The following IER5L variants were observed in gnomAD, a reference collection of about 807,000 sequenced individuals.
IER5L encodes immediate early response 5 like.
In IER5L, 6 loss-of-function variants were observed where a neutral mutation model predicts 28.3. That is an observed-to-expected ratio of 0.21 (90% confidence interval 0.12 to 0.42). IER5L has a LOEUF of 0.42. Among genes scored for constraint, IER5L ranks in the 10% least tolerant of loss-of-function variants. The pLI is 1.00. For missense variants in IER5L, 607 were observed against 575.2 expected, an observed-to-expected ratio of 1.06 and a Z score of -0.56; for synonymous variants, 351 against 282.5, an observed-to-expected ratio of 1.24 and a Z score of -2.43.
Position 129,175,782 on chromosome 9 carries a change from C to T in IER5L, c.*1056G>A, listed in dbSNP as rs556621839. ...CAAAAGGCTTTTAAATTAAACAAAT[C>T]TATCGAGCTGAAGACACAGGACGGG... On this transcript the variant is annotated 3_prime_UTR_variant, in exon 1 of 1. Transcript: ENST00000372491. The surrounding 1 kb of genome is among the most constrained non-coding windows in gnomAD (Gnocchi z 5.2). 6.6e-6 allele frequency: 1 copy of T among 152,080 alleles called. No individual in the cohort carries two copies. Among genetic ancestry groups the T allele is most frequent in the Non-Finnish European group, 1.5e-5 (1 of 68,038 alleles). The allele number at this position is 152,080 out of a possible 1,614,324, so 9.4% of individuals were successfully genotyped here. A position where few individuals can be genotyped will look rare whatever the true frequency, so the allele number is the denominator to read the frequency against.
chr9:129,176,882 G>A lies in IER5L; in HGVS notation c.1171C>T (p.Leu391Phe). 17 of 1,599,930 alleles carry A rather than the reference G, an allele frequency of 1.1e-5. No individual in the cohort carries two copies. The highest frequency in any genetic ancestry group is 1.4e-5 in the Non-Finnish European group (17 of 1,174,598). The change falls in exon 1 of 1, where the codon CTC becomes TTC. Residue 391 changes from leucine to phenylalanine, a missense_variant. By Grantham distance (22) the Leu-to-Phe change is conservative. Coordinates refer to ENST00000372491, the MANE Select transcript of IER5L (RefSeq NM_203434.3). ...LNGQLCAKQA[L>F]ASLGAWTRAI... Reference sequence around the variant, plus strand: ...CGAGTCCAGGCGCCGAGGCTGGCGAGCGCCTGCTTGGCGCACAGCTGCCCG... The same window carrying A: ...CGAGTCCAGGCGCCGAGGCTGGCGAACGCCTGCTTGGCGCACAGCTGCCCG...
chr9:129,176,821 T>G lies in IER5L; in HGVS notation c.*17A>C, dbSNP rs1487596540. The G allele has an allele frequency of 2.1e-5, 33 of 1,551,818 alleles. No individual in the cohort carries two copies. The East Asian group carries it at 5.2e-4, about 24-fold the overall frequency. ...CCAGCCCCGCGGGGCCCCGGGTCCC[T>G]GTGCCCTCGGGGGTCCCTAGAAGGC... On this transcript the variant is annotated 3_prime_UTR_variant, in exon 1 of 1. Transcript: ENST00000372491.
chr9:129,177,005 C>G lies in IER5L; in HGVS notation c.1048G>C (p.Ala350Pro). ...GAGATCAAGTTTGAGATGTTGGACG[C>G]GTCCGGGGACGAGTCCGGGCAGAAG... ...EDFCPDSSPD[A>P]SNISNLISIF... The change falls in exon 1 of 1, where the codon GCG becomes CCG. Residue 350 changes from alanine to proline, a missense_variant. Transcript: ENST00000372491. 1 of 1,596,046 alleles carries G rather than the reference C, an allele frequency of 6.3e-7. No individual in the cohort carries two copies. Among genetic ancestry groups the G allele is most frequent in the Non-Finnish European group, 8.5e-7 (1 of 1,172,982 alleles).
At position 129,178,244 on chromosome 9, in the gene IER5L, G is replaced by T. The variant is rs1317977864; in HGVS notation, c.-192C>A. 4 of 452,158 alleles carry T rather than the reference G, an allele frequency of 8.8e-6. No homozygotes were observed. Among genetic ancestry groups the T allele is most frequent in the African/African-American group, 4.1e-5 (2 of 48,824 alleles). 28.0% of individuals were successfully genotyped at this position (452,158 alleles called of 1,614,324 possible). The stretch of plus-strand genomic sequence containing the variant: ...ACCCGCGGGCTCGCGCTCCCCAGAC[G>T]GCGCCAAAGCAATGAGTCTCGGCCG... On this transcript the variant is annotated 5_prime_UTR_variant, in exon 1 of 1. Coordinates refer to ENST00000372491, the MANE Select transcript of IER5L (RefSeq NM_203434.3).
At position 129,177,800 on chromosome 9, in the gene IER5L, T is replaced by A. The variant is rs1214266805; in HGVS notation, c.253A>T (p.Ser85Cys). Residue 85 changes from serine to cysteine, a missense_variant, in exon 1 of 1, where the codon AGC (serine) becomes TGC (cysteine). Physicochemically the swap from Ser to Cys is moderately radical, Grantham distance 112. Transcript: ENST00000372491. ...TGGAGCGGGCCGAAGTCGGCCGCGC[T>A]GGCCGGCATGCCCGGCGCCGCGTAC... ...LAYAAPGMPA[S>C]AADFGPLQLG... The A allele has an allele frequency of 1.3e-6, 2 of 1,502,068 alleles. No homozygotes were observed. The highest frequency in any genetic ancestry group is 1.8e-6 in the Non-Finnish European group (2 of 1,130,116). 93.0% of individuals were successfully genotyped at this position (1,502,068 alleles called of 1,614,324 possible).
rs758909167 is a variant in IER5L, at chr9:129,176,829, C to T, written c.*9G>A. On this transcript the variant is annotated 3_prime_UTR_variant, in exon 1 of 1. Coordinates refer to ENST00000372491, the MANE Select transcript of IER5L (RefSeq NM_203434.3). ...GCGGGGCCCCGGGTCCCTGTGCCCT[C>T]GGGGGTCCCTAGAAGGCGACAATGG... 15 of 1,574,390 alleles carry T rather than the reference C, an allele frequency of 9.5e-6. No homozygotes were observed. In the South Asian group the frequency reaches 1.4e-4, roughly 14 times the overall value.
chr9:129,176,631 TTC>T lies in IER5L; in HGVS notation c.*205_*206del, dbSNP rs1435339868. 1 of 644,258 alleles carries T rather than the reference TTC, an allele frequency of 1.6e-6. No individual in the cohort carries two copies. 39.9% of individuals were successfully genotyped at this position (644,258 alleles called of 1,614,324 possible). A position where few individuals can be genotyped will look rare whatever the true frequency, so the allele number is the denominator to read the frequency against. Reference sequence around the variant, plus strand: ...CAAAGCATACTTAAATAGGCGCTTTTTCTCTCTGCAAAAATAAAGTCCAAGAT... The same window carrying T: ...CAAAGCATACTTAAATAGGCGCTTTTTCTCTGCAAAAATAAAGTCCAAGAT... On this transcript the variant is annotated 3_prime_UTR_variant, in exon 1 of 1. Coordinates refer to ENST00000372491, the MANE Select transcript of IER5L (RefSeq NM_203434.3).
At position 129,176,932 on chromosome 9, in the gene IER5L, G is replaced by A; in HGVS notation, c.1121C>T (p.Ser374Phe). 1.2e-6 allele frequency: 2 copies of A among 1,604,934 alleles called. No homozygotes were observed. Among genetic ancestry groups the A allele is most frequent in the East Asian group, 2.3e-5 (1 of 44,092 alleles). The change falls in exon 1 of 1, where the codon TCC becomes TTC. Residue 374 changes from serine to phenylalanine, a missense_variant. Transcript: ENST00000372491. ...GTTGAGCGGCGGCGGCTGCTCCGAG[G>A]AGTCCGGCTGTCGGCTCACCAGCCC... ...FSGLVSRQPD[S>F]SEQPPPLNGQ...
chr9:129,177,883 C>G lies in IER5L; in HGVS notation c.170G>C (p.Arg57Pro). 1.9e-6 allele frequency: 3 copies of G among 1,547,070 alleles called. No individual in the cohort carries two copies. The highest frequency in any genetic ancestry group is 2.6e-6 in the Non-Finnish European group (3 of 1,146,690). Residue 57 changes from arginine (R) to proline (P), a missense_variant, in exon 1 of 1, where the codon CGG (arginine) becomes CCG (proline). Coordinates refer to ENST00000372491, the MANE Select transcript of IER5L (RefSeq NM_203434.3). ...CTGCTGTTGCTGCTGCTGCTGGCGC[C>G]GGTAGAGCTCGGCGTAGCGCTCGCT... ...YLSERYAELY[R>P]RQQQQQQQQP...
At position 129,176,702 on chromosome 9, in the gene IER5L, G is replaced by C. The variant is rs1829408386; in HGVS notation, c.*136C>G. 6.4e-6 allele frequency: 7 copies of C among 1,090,130 alleles called. No individual in the cohort carries two copies. The highest frequency in any genetic ancestry group is 7.2e-6 in the Non-Finnish European group (6 of 827,902). The allele number at this position is 1,090,130 out of a possible 1,614,324, so 67.5% of individuals were successfully genotyped here. ...TTATTTTACAATTTATAAAACATCAGCCGCCTGCCCCCGCTCGCCCCCAGC... is the reference window on the plus strand; with the variant it reads ...TTATTTTACAATTTATAAAACATCACCCGCCTGCCCCCGCTCGCCCCCAGC... On this transcript the variant is annotated 3_prime_UTR_variant, in exon 1 of 1. Coordinates refer to ENST00000372491, the MANE Select transcript of IER5L (RefSeq NM_203434.3).
chr9:129,177,076 G>A lies in IER5L; in HGVS notation c.977C>T (p.Pro326Leu). 6.7e-7 allele frequency: 1 copy of A among 1,483,932 alleles called. No homozygotes were observed. Among genetic ancestry groups the A allele is most frequent in the Non-Finnish European group, 8.9e-7 (1 of 1,118,122 alleles). The allele number at this position is 1,483,932 out of a possible 1,614,324, so 91.9% of individuals were successfully genotyped here. A position where few individuals can be genotyped will look rare whatever the true frequency, so the allele number is the denominator to read the frequency against. Residue 326 changes from proline (P) to leucine (L), a missense_variant, in exon 1 of 1, where the codon CCC (proline) becomes CTC (leucine). Physicochemically the swap from Pro to Leu is moderately conservative, Grantham distance 98. Coordinates refer to ENST00000372491, the MANE Select transcript of IER5L (RefSeq NM_203434.3). ...GCAGGGGGCGAACGGGGCGCCCCCG[G>A]GGGGCTCGGCCCCCAGCCCGCCCGC... ...EDAGGLGAEP[P>L]GGAPFAPCKR...
Position 129,177,773 on chromosome 9 carries a change from G to T in IER5L, c.280C>A (p.Leu94Ile), listed in dbSNP as rs779361444. The change falls in exon 1 of 1, where the codon CTT (leucine) becomes ATT (isoleucine). Residue 94 changes from leucine to isoleucine, a missense_variant. By Grantham distance (5) the Leu-to-Ile change is conservative. Transcript: ENST00000372491. ...ASAADFGPLQ[L>I]GGGGDAEARE... ...GCCTCCGCGTCCCCGCCGCCGCCAA[G>T]TTGGAGCGGGCCGAAGTCGGCCGCG... The T allele has an allele frequency of 6.9e-5, 102 of 1,469,446 alleles. No homozygotes were observed. Among genetic ancestry groups the T allele is most frequent in the Non-Finnish European group, 8.9e-5 (99 of 1,116,060 alleles). The allele number at this position is 1,469,446 out of a possible 1,614,324, so 91.0% of individuals were successfully genotyped here.
rs534661994 is a variant in IER5L, at chr9:129,177,503, G to C, written c.550C>G (p.Pro184Ala). Residue 184 changes from proline (P) to alanine (A), a missense_variant, in exon 1 of 1, where the codon CCG (proline) becomes GCG (alanine). By Grantham distance (27) the Pro-to-Ala change is conservative (BLOSUM62 -1). Coordinates refer to ENST00000372491, the MANE Select transcript of IER5L (RefSeq NM_203434.3). ...GGCGGCGGCAGCGGCAGCGGCAGCG[G>C]CGCAGGACCCGGCTGCAGAGGCTCC... is the stretch of plus-strand genomic sequence containing the variant. ...PLEPLQPGPA[P>A]LPLPLPPPAP... 26 of 990,978 alleles carry C rather than the reference G, an allele frequency of 2.6e-5. No homozygotes were observed. The South Asian group carries it at 1.1e-3, about 43-fold the overall frequency. 61.4% of individuals were successfully genotyped at this position (990,978 alleles called of 1,614,324 possible).
Position 129,177,137 on chromosome 9 carries a change from G to T in IER5L, c.916C>A (p.Pro306Thr), listed in dbSNP as rs750348251. 1 of 1,464,340 alleles carries T rather than the reference G, an allele frequency of 6.8e-7. No homozygotes were observed. Among genetic ancestry groups the T allele is most frequent in the Non-Finnish European group, 9.0e-7 (1 of 1,110,252 alleles). The allele number at this position is 1,464,340 out of a possible 1,614,324, so 90.7% of individuals were successfully genotyped here. ...SAAGCKRKYY[P>T]GQEEEEDDEE... is the part of the protein sequence containing the mutation. ...TCGTCTTCCTCCTCCTCCTGGCCAG[G>T]GTAATACTTGCGCTTGCAGCCGGCG... is the stretch of plus-strand genomic sequence containing the variant. Residue 306 changes from proline (P) to threonine (T), a missense_variant, in exon 1 of 1, where the codon CCT becomes ACT. By Grantham distance (38) the Pro-to-Thr change is conservative (BLOSUM62 -1). Transcript: ENST00000372491.
Position 129,176,885 on chromosome 9 carries a change from C to T in IER5L, c.1168G>A (p.Ala390Thr). ...GTCCAGGCGCCGAGGCTGGCGAGCG[C>T]CTGCTTGGCGCACAGCTGCCCGTTG... is the stretch of plus-strand genomic sequence containing the variant. Reference protein sequence around the residue: ...PLNGQLCAKQALASLGAWTRA... With the variant: ...PLNGQLCAKQTLASLGAWTRA... The change falls in exon 1 of 1, where the codon GCG becomes ACG. Residue 390 changes from alanine to threonine, a missense_variant. Ala to Thr is a moderately conservative substitution (Grantham distance 58, BLOSUM62 0). Transcript: ENST00000372491. The T allele has an allele frequency of 6.2e-7, 1 of 1,600,458 alleles. No individual in the cohort carries two copies. Among genetic ancestry groups the T allele is most frequent in the Non-Finnish European group, 8.5e-7 (1 of 1,174,788 alleles).
chr9:129,176,784 C>CT lies in IER5L; in HGVS notation c.*53dup. The CT allele has an allele frequency of 7.0e-7, 1 of 1,437,694 alleles. No homozygotes were observed. Among genetic ancestry groups the CT allele is most frequent in the Non-Finnish European group, 9.1e-7 (1 of 1,098,454 alleles). 89.1% of individuals were successfully genotyped at this position (1,437,694 alleles called of 1,614,324 possible). Reference sequence around the variant, plus strand: ...CCCTCCTCTCGCCCCTTTGCCGAGTCTTTGTCTGGCCCCAGCCCCGCGGGG... The same window carrying CT: ...CCCTCCTCTCGCCCCTTTGCCGAGTCTTTTGTCTGGCCCCAGCCCCGCGGGG... On this transcript the variant is annotated 3_prime_UTR_variant, in exon 1 of 1. Transcript: ENST00000372491.
In IER5L at chr9:129,175,793, A is replaced by ATTC. The variant is rs1829384728; in HGVS notation, c.*1044_*1045insGAA. The ATTC allele has an allele frequency of 6.6e-6, 1 of 152,148 alleles. No homozygotes were observed. The highest frequency in any genetic ancestry group is 2.4e-5 in the African/African-American group (1 of 41,404). 9.4% of individuals were successfully genotyped at this position (152,148 alleles called of 1,614,324 possible). A position where few individuals can be genotyped will look rare whatever the true frequency, so the allele number is the denominator to read the frequency against. On this transcript the variant is annotated 3_prime_UTR_variant, in exon 1 of 1. Transcript: ENST00000372491. The surrounding 1 kb of genome is among the most constrained non-coding windows in gnomAD (Gnocchi z 5.2). ...TAAATTAAACAAATCTATCGAGCTG[A>ATTC]AGACACAGGACGGGGTTCTCACAGG...
rs904962543 is a variant in IER5L, at chr9:129,176,493, C to T, written c.*345G>A. 1.2e-4 allele frequency: 19 copies of T among 156,966 alleles called. 1 individual carries two copies. Among genetic ancestry groups the T allele is most frequent in the Non-Finnish European group, 2.5e-4 (18 of 71,806 alleles). 9.7% of individuals were successfully genotyped at this position (156,966 alleles called of 1,614,324 possible). On this transcript the variant is annotated 3_prime_UTR_variant, in exon 1 of 1. Transcript: ENST00000372491. ...CGGCGGCCAGGGCGCCCTGCCTCGC[C>T]CCCGGCTGCCCGGCACCTCCTCCGG...
Position 129,177,352 on chromosome 9 carries a change from CCGGGGGAGGAGG to C in IER5L, c.689_700del (p.Ala230_Pro233del), listed in dbSNP as rs757543310. The C allele has an allele frequency of 1.1e-5, 15 of 1,307,912 alleles. No individual in the cohort carries two copies. In the South Asian group the frequency reaches 3.4e-4, roughly 29 times the overall value. 81.0% of individuals were successfully genotyped at this position (1,307,912 alleles called of 1,614,324 possible). On this transcript the variant is annotated inframe_deletion, in exon 1 of 1. Coordinates refer to ENST00000372491, the MANE Select transcript of IER5L (RefSeq NM_203434.3). ...GGTAGGGTATGCGCCCCGGTAGAAG[CCGGGGGAGGAGG>C]CGGGGGCCGGGGAGGCGGGCGGAGA...
Sources: gnomAD v4.1 joint callset for allele counts on GRCh38, gnomAD v4.1.1 for gene constraint, Gnocchi (gnomAD v3.1) non-coding constraint, MANE v1.5 for transcripts, NCBI Gene and HGNC (gene_info 2026-07-23, HGNC 2026-07-21) for gene names.